The following C12orf56 variants were observed in gnomAD, a reference collection of about 807,000 sequenced individuals.
C12orf56 encodes chromosome 12 open reading frame 56, also known as uncharacterized protein C12orf56.
Under a neutral mutation model 69.9 loss-of-function variants are expected in C12orf56, and 71 were observed. The ratio of observed to expected loss-of-function variants is 1.02; its 90% CI spans 0.84 to 1.24. The LOEUF (loss-of-function observed/expected upper bound fraction) is 1.24, where lower values mean the gene tolerates loss of function less well. C12orf56 is among the 50% of genes most tolerant of loss of function. C12orf56 has a pLI of 0.00. For synonymous variants in C12orf56, 276 were observed against 274.1 expected (o/e 1.01, Z -0.07); for missense variants, 732 against 738.5 (o/e 0.99, Z 0.10).
chr12:64,297,019 A>G (rs1312539974), intron 6 of C12orf56, among the ~76,000 whole-genome samples: 4 of 152,210 alleles, frequency 2.6e-5, no homozygotes, highest in Admixed American at 1.3e-4. Flanking sequence ...TAAATTACCA[A>G]GTTTGTGATA....
At chr12:64,317,550 G>A (rs1036917240) in intron 4 of C12orf56, among the ~76,000 whole-genome samples, 10 of 151,890 alleles carry the variant, frequency 6.6e-5, no homozygotes, top group Admixed American at 3.3e-4. Context: ...ACCTGAGGTC[G>A]GGAGTTCGAG....
chr12:64,328,732 T>TATAGATAG (rs1555190212), intron 3 of C12orf56, among the ~76,000 whole-genome samples: 1 of 107,174 alleles, frequency 9.3e-6, no homozygotes, highest in Non-Finnish European at 1.9e-5. Context: ...TATATATATA[T>TATAGATAG]ATATAGTATC....
In C12orf56 at chr12:64,283,908, A is replaced by ATTT. The variant is rs35345999; in HGVS notation, c.1310+753_1310+755dup. On this transcript the variant is annotated intron_variant, in intron 8 of 12. Coordinates refer to ENST00000543942, the MANE Select transcript of C12orf56 (RefSeq NM_001170633.2). Reference sequence around the variant, plus strand: ...TTGGGCCACATATTTTAGAGTATCTATTTTTTTTTTTTTTTTTGAGATGGG... The same window carrying ATTT: ...TTGGGCCACATATTTTAGAGTATCTATTTTTTTTTTTTTTTTTTTTGAGATGGG... Among the ~76,000 whole-genome samples, 59 of 133,166 alleles carry ATTT rather than the reference A, an allele frequency of 4.4e-4. 2 individuals carry two copies. The highest frequency in any genetic ancestry group is 4.0e-3 in the Middle Eastern group (1 of 248). 87.4% of individuals were successfully genotyped at this position (133,166 alleles called of 152,430 possible).
At chr12:64,301,544 C>A (rs551736727) in intron 6 of C12orf56, among the ~76,000 whole-genome samples, 16 of 152,212 alleles carry the variant, frequency 1.1e-4, no homozygotes, top group South Asian at 4.2e-4. Context: ...GTTTTCAGGA[C>A]CTTCCTTAGG....
At chr12:64,287,311 G>A (rs947127615) in intron 6 of C12orf56, among the ~76,000 whole-genome samples, 3 of 150,064 alleles carry the variant, frequency 2.0e-5, no homozygotes, top group African/African-American at 7.4e-5. Context: ...GGTTTACCCA[G>A]TGCCTGATAA....
chr12:64,329,076 AG>A (rs1192378537), intron 3 of C12orf56, among the ~76,000 whole-genome samples: 2 of 151,960 alleles, frequency 1.3e-5, no homozygotes, highest in Non-Finnish European at 2.9e-5. Context: ...AAAAAAAAAA[AG>A]AAACTCCTTT....
chr12:64,267,419 G>A lies in C12orf56; in HGVS notation c.1764-131C>T, dbSNP rs114981037. 6.1e-3 allele frequency: 4,262 copies of A among 700,868 alleles called. 161 individuals are homozygous for A. In the African/African-American group the frequency reaches 0.07, roughly 12 times the overall value. The allele number at this position is 700,868 out of a possible 1,614,324, so 43.4% of individuals were successfully genotyped here. On this transcript the variant is annotated intron_variant, in intron 12 of 12. Transcript: ENST00000543942. ...GAATCTAAGCTACAAGACTTGGTCA[G>A]CATTTTCAGATCTCCAATCTCCCCC...
At position 64,276,993 on chromosome 12, in the gene C12orf56, T is replaced by TAAAAAAAAAAAAAAAAAAAA. The variant is rs200351319; in HGVS notation, c.1434+667_1434+686dup. On this transcript the variant is annotated intron_variant, in intron 9 of 12. Transcript: ENST00000543942. Reference sequence around the variant, plus strand: ...TGGGCAACAGAGTGAAACCCTTTCTTAAAAAAAAAAAAAAAAAAAAAAATT... The same window carrying TAAAAAAAAAAAAAAAAAAAA: ...TGGGCAACAGAGTGAAACCCTTTCTTAAAAAAAAAAAAAAAAAAAAAAAAAAAAAAAAAAAAAAAAAAATT... 2.0e-4 allele frequency among the ~76,000 whole-genome samples: 14 copies of TAAAAAAAAAAAAAAAAAAAA among 69,212 alleles called. 2 individuals are homozygous for TAAAAAAAAAAAAAAAAAAAA. Among genetic ancestry groups the TAAAAAAAAAAAAAAAAAAAA allele is most frequent in the African/African-American group, 7.5e-4 (13 of 17,386 alleles). 45.4% of individuals were successfully genotyped at this position (69,212 alleles called of 152,430 possible).
At chr12:64,274,779 T>C in intron 11 of C12orf56, 122 bp downstream of exon 11, 1 of 727,288 alleles carries the variant, frequency 1.4e-6, no homozygotes, top group Non-Finnish European at 2.2e-6. Flanking sequence ...AAATTTACAC[T>C]TTGCTTCTGG....
chr12:64,380,986 A>G (rs1177284074), intron 1 of C12orf56, among the ~76,000 whole-genome samples: 1 of 152,236 alleles, frequency 6.6e-6, no homozygotes, highest in Non-Finnish European at 1.5e-5. Flanking sequence ...TGCTGCCTAG[A>G]CAAGGCCAAT....
intron 4 of C12orf56, among the ~76,000 whole-genome samples, chr12:64,313,384 A>G (rs1444815239): frequency 6.6e-6 from 1 of 151,912 alleles, no homozygotes; most frequent in African/African-American, 2.4e-5. Context: ...CCACTATGCA[A>G]AGTGTCTGAT....
At chr12:64,278,618 T>A (rs748850379) in intron 8 of C12orf56, among the ~76,000 whole-genome samples, 124 of 152,196 alleles carry the variant, frequency 8.1e-4, no homozygotes, top group Admixed American at 2.7e-3. Context: ...ACACAAAATC[T>A]ATTGTCAGCA....
intron 1 of C12orf56, among the ~76,000 whole-genome samples, chr12:64,384,248 C>T (rs1308411977): frequency 6.6e-6 from 1 of 152,104 alleles, no homozygotes; most frequent in East Asian, 1.9e-4. Context: ...CGCTATTCCA[C>T]CTCCTTAATC....
rs1451116718 is a variant in C12orf56, at chr12:64,277,665, A to T, written c.1434+15T>A. ...ATATATATATAATAGTTTACCCCCCAAATTCTCATCTCACCTCAGCGTCAA... is the reference window on the plus strand; with the variant it reads ...ATATATATATAATAGTTTACCCCCCTAATTCTCATCTCACCTCAGCGTCAA... On this transcript the variant is annotated intron_variant, in intron 9 of 12. Transcript: ENST00000543942. 6.8e-7 allele frequency: 1 copy of T among 1,461,784 alleles called. No homozygotes were observed. The highest frequency in any genetic ancestry group is 1.4e-5 in the African/African-American group (1 of 70,464). 90.6% of individuals were successfully genotyped at this position (1,461,784 alleles called of 1,614,324 possible).
chr12:64,364,183 T>C (rs2039435102), intron 1 of C12orf56, among the ~76,000 whole-genome samples: 1 of 152,058 alleles, frequency 6.6e-6, no homozygotes, highest in South Asian at 2.1e-4. Flanking sequence ...TGTGATGGCA[T>C]GTGCCTGTAG....
chr12:64,353,146 T>G, intron 1 of C12orf56, 90 bp from the exon 2 acceptor site: 1 of 1,293,174 alleles, frequency 7.7e-7, no homozygotes, highest in Non-Finnish European at 1.1e-6. Context: ...AACAGCAAGT[T>G]TTTTTTTTCC....
intron 3 of C12orf56, among the ~76,000 whole-genome samples, chr12:64,330,391 T>C (rs1282399375): frequency 1.3e-5 from 2 of 152,192 alleles, no homozygotes; most frequent in Non-Finnish European, 2.9e-5. Flanking sequence ...CCTCTCCCAC[T>C]ATTCCTCCAA....
At chr12:64,311,290 C>T (rs2038610810) in intron 5 of C12orf56, among the ~76,000 whole-genome samples, 2 of 151,610 alleles carry the variant, frequency 1.3e-5, no homozygotes, top group Admixed American at 1.3e-4. Context: ...AAAAAATTAG[C>T]CGGGCATGGC....
intron 2 of C12orf56, among the ~76,000 whole-genome samples, chr12:64,336,430 T>C (rs915227123): frequency 5.3e-5 from 8 of 152,192 alleles, no homozygotes; most frequent in African/African-American, 1.9e-4. Context: ...CGATCTGTTT[T>C]ACTACATTAT....
Sources: gnomAD v4.1 joint callset for allele counts (sites outside exome capture counted in the v4.1 genomes callset) on GRCh38, gnomAD v4.1.1 for gene constraint, MANE v1.5 for transcripts, NCBI Gene and HGNC (gene_info 2026-07-23, HGNC 2026-07-21) for gene names.